The following FARS2 variants were observed in gnomAD, a reference collection of about 807,000 sequenced individuals.
FARS2 encodes phenylalanyl-tRNA synthetase 2, mitochondrial.
Under a neutral mutation model 46.4 loss-of-function variants are expected in FARS2, and 40 were observed. The ratio of observed to expected loss-of-function variants is 0.86; its 90% CI spans 0.67 to 1.12. The LOEUF (loss-of-function observed/expected upper bound fraction) is 1.12, where lower values mean the gene tolerates loss of function less well. FARS2 is among the 50% of genes most tolerant of loss of function. FARS2 has a pLI of 0.00. For missense variants in FARS2, 513 were observed against 567.9 expected (o/e 0.90, Z 0.98); for synonymous variants, 234 against 214.9 (o/e 1.09, Z -0.78).
intron 4 of FARS2, among the ~76,000 whole-genome samples, chr6:5,501,314 T>C (rs189457748): frequency 4.3e-4 from 66 of 152,280 alleles, no homozygotes; most frequent in African/African-American, 1.5e-3. Flanking sequence ...TGTAAAGCTC[T>C]TGGCATATGC....
intron 3 of FARS2, among the ~76,000 whole-genome samples, chr6:5,418,498 T>C (rs1265775966): frequency 6.6e-6 from 1 of 152,226 alleles, no homozygotes; most frequent in Admixed American, 6.5e-5. Context: ...TATGAGGTTT[T>C]CCCCTTGGCT....
intron 3 of FARS2, among the ~76,000 whole-genome samples, chr6:5,406,615 G>A (rs1283004280): frequency 6.6e-6 from 1 of 152,008 alleles, no homozygotes; most frequent in East Asian, 1.9e-4. Context: ...ATGAGTAGTT[G>A]ATTCCTTTTG....
chr6:5,390,724 G>C (rs1396038240), intron 2 of FARS2, among the ~76,000 whole-genome samples: 5 of 152,118 alleles, frequency 3.3e-5, no homozygotes, highest in African/African-American at 1.2e-4. Context: ...AGAGGAAAGG[G>C]GCTGAGATAA....
Position 5,629,148 on chromosome 6 carries a change from G to A in FARS2, c.1217+15828G>A, listed in dbSNP as rs1399371073. ...AATGGGTTAAACACTTACCATGGGT[G>A]AGGCAGTTTGCCATCTGTGATATTT... On this transcript the variant is annotated intron_variant, in intron 6 of 6. Coordinates refer to ENST00000274680, the MANE Select transcript of FARS2 (RefSeq NM_006567.5). 2.6e-5 allele frequency among the ~76,000 whole-genome samples: 4 copies of A among 152,222 alleles called. No homozygotes were observed. In the East Asian group the frequency reaches 5.8e-4, roughly 22 times the overall value.
chr6:5,453,960 C>A (rs1764663512), intron 4 of FARS2, among the ~76,000 whole-genome samples: 1 of 152,162 alleles, frequency 6.6e-6, no homozygotes, highest in Admixed American at 6.5e-5. Context: ...CCAGTGTGGG[C>A]TGGAGGAGCC....
At chr6:5,398,306 A>ACCTTCTCTC (rs1387668968) in intron 2 of FARS2, among the ~76,000 whole-genome samples, 2 of 152,176 alleles carry the variant, frequency 1.3e-5, no homozygotes, top group Non-Finnish European at 2.9e-5. Flanking sequence ...GAAGACCTTT[A>ACCTTCTCTC]CCTTCTCTCC....
intron 3 of FARS2, among the ~76,000 whole-genome samples, chr6:5,405,532 G>A (rs1266406014): frequency 7.9e-6 from 1 of 126,126 alleles, no homozygotes; most frequent in African/African-American, 3.2e-5. Flanking sequence ...CTGTCTCCCA[G>A]GCTGGGGTGC....
chr6:5,325,494 G>C (rs1770306612), intron 1 of FARS2, among the ~76,000 whole-genome samples: 1 of 152,168 alleles, frequency 6.6e-6, no homozygotes, highest in South Asian at 2.1e-4. Flanking sequence ...CAGCCTCCAA[G>C]CTTCAAGCAC....
chr6:5,285,273 C>T (rs543213130), intron 1 of FARS2, among the ~76,000 whole-genome samples: 6 of 151,896 alleles, frequency 4.0e-5, no homozygotes, highest in Non-Finnish European at 7.4e-5. Flanking sequence ...AGGAGGCGAC[C>T]GAGGGGAGCA....
intron 4 of FARS2, among the ~76,000 whole-genome samples, chr6:5,530,735 T>C (rs1769773807): frequency 6.8e-6 from 1 of 146,738 alleles, no homozygotes; most frequent in Non-Finnish European, 1.5e-5. Flanking sequence ...TGTATTAATA[T>C]CAAATATATA....
At chr6:5,763,709 G>A (rs946726844) in intron 6 of FARS2, among the ~76,000 whole-genome samples, 12 of 150,366 alleles carry the variant, frequency 8.0e-5, no homozygotes, top group East Asian at 3.9e-4. Context: ...TAGGAAAACC[G>A]TATAGAGTCA....
intron 1 of FARS2, among the ~76,000 whole-genome samples, chr6:5,365,659 G>T (rs117472738): frequency 6.6e-6 from 1 of 151,682 alleles, no homozygotes; most frequent in African/African-American, 2.4e-5. Flanking sequence ...ACTGAGAAAT[G>T]CACTTGACCC....
At chr6:5,605,246 G>A (rs919238915) in intron 5 of FARS2, among the ~76,000 whole-genome samples, 5 of 152,194 alleles carry the variant, frequency 3.3e-5, no homozygotes, top group Non-Finnish European at 7.3e-5. Flanking sequence ...ATCGCTAGCC[G>A]GGAGGTGGAA....
chr6:5,448,515 G>A (rs959696474), intron 4 of FARS2, among the ~76,000 whole-genome samples: 3 of 148,390 alleles, frequency 2.0e-5, no homozygotes, highest in South Asian at 2.1e-4. Context: ...ATGTTTGCAC[G>A]TTAGAAAGCA....
intron 6 of FARS2, among the ~76,000 whole-genome samples, chr6:5,681,071 A>G (rs1029729426): frequency 5.3e-5 from 8 of 152,240 alleles, no homozygotes; most frequent in African/African-American, 1.9e-4. Context: ...TGTCAACACG[A>G]ATCAGCCTGG....
intron 1 of FARS2, among the ~76,000 whole-genome samples, chr6:5,321,382 A>T (rs1769962400): frequency 6.6e-6 from 1 of 152,062 alleles, no homozygotes; most frequent in African/African-American, 2.4e-5. Context: ...ATCTAGAAGG[A>T]TGGGTGGGGC....
intron 4 of FARS2, among the ~76,000 whole-genome samples, chr6:5,524,133 C>G (rs1769319793): frequency 6.6e-6 from 1 of 152,182 alleles, no homozygotes; most frequent in Non-Finnish European, 1.5e-5. Context: ...ACTTGACATT[C>G]TACTCCTATT....
chr6:5,569,566 G>C (rs1772520324), intron 5 of FARS2, among the ~76,000 whole-genome samples: 1 of 152,194 alleles, frequency 6.6e-6, no homozygotes, highest in African/African-American at 2.4e-5. Flanking sequence ...CATTGTGGTG[G>C]TGGTAGTGGT....
intron 6 of FARS2, among the ~76,000 whole-genome samples, chr6:5,623,890 G>A (rs1775904139): frequency 6.6e-6 from 1 of 152,136 alleles, no homozygotes; most frequent in Non-Finnish European, 1.5e-5. Context: ...CCTCTGGACA[G>A]AGCCAAATAA....
Sources: allele counts gnomAD v4.1 joint callset (sites outside exome capture counted in the v4.1 genomes callset), GRCh38; gene constraint gnomAD v4.1.1; transcripts MANE v1.5; gene names NCBI Gene and HGNC (gene_info 2026-07-23, HGNC 2026-07-21).